Variants in GALNT7 observed in about 807,000 individuals in gnomAD.
The protein encoded by GALNT7 is polypeptide N-acetylgalactosaminyltransferase 7, also known as N-acetylgalactosaminyltransferase 7.
Under a neutral mutation model 82.1 loss-of-function variants are expected in GALNT7, and 60 were observed. That is an observed-to-expected ratio of 0.73 (90% CI 0.59 to 0.91). The LOEUF (loss-of-function observed/expected upper bound fraction) is 0.91, where lower values mean the gene tolerates loss of function less well. Among genes scored for constraint, GALNT7 ranks in the 40% least tolerant of loss-of-function variants. GALNT7 has a pLI of 0.00. For missense variants in GALNT7, 660 were observed against 804.2 expected (o/e 0.82, Z 2.17); for synonymous variants, 243 against 275.1 (o/e 0.88, Z 1.15).
chr4:173,260,352 G>T (rs1328574727), intron 2 of GALNT7, among the ~76,000 whole-genome samples: 1 of 152,166 alleles, frequency 6.6e-6, no homozygotes, highest in African/African-American at 2.4e-5. Flanking sequence ...ATTCTGTCAG[G>T]CTGTTTTAAG....
intron 9 of GALNT7, chr4:173,316,048 T>G (rs1188041360): frequency 6.6e-6 from 1 of 152,220 alleles, no homozygotes; most frequent in Non-Finnish European, 1.5e-5. Flanking sequence ...AGAGTGACTG[T>G]TTTAAAATAA....
intron 1 of GALNT7, among the ~76,000 whole-genome samples, chr4:173,212,988 A>T (rs1203190218): frequency 6.6e-6 from 1 of 152,164 alleles, no homozygotes; most frequent in Non-Finnish European, 1.5e-5. Context: ...TTCATGAAAA[A>T]AAAATCCCCT....
At chr4:173,318,989 C>CAAATA (rs1421551166) in intron 11 of GALNT7, among the ~76,000 whole-genome samples, 1 of 151,962 alleles carries the variant, frequency 6.6e-6, no homozygotes. Context: ...GAGATAGAGA[C>CAAATA]AAACAAATAA....
In GALNT7 at chr4:173,318,472, C is replaced by A; in HGVS notation, c.1749C>A (p.Asp583Glu). ...INEANQLMQYDQCLTKGADGS... is the reference protein window; with the variant it reads ...INEANQLMQYEQCLTKGADGS... ...AAGCAAATCAACTCATGCAGTATGACCAGTGTTTGACAAAGGGAGCTGATG... is the reference window on the plus strand; with the variant it reads ...AAGCAAATCAACTCATGCAGTATGAACAGTGTTTGACAAAGGGAGCTGATG... The change falls in exon 11 of 12, where the codon GAC (aspartate) becomes GAA (glutamate). Residue 583 changes from aspartate (D) to glutamate (E), a missense_variant. Physicochemically the swap from Asp to Glu is conservative, Grantham distance 45. Coordinates refer to ENST00000265000, the MANE Select transcript of GALNT7 (RefSeq NM_017423.3). 6.2e-7 allele frequency: 1 copy of A among 1,601,140 alleles called. No individual in the cohort carries two copies. Among genetic ancestry groups the A allele is most frequent in the South Asian group, 1.1e-5 (1 of 90,300 alleles).
intron 1 of GALNT7, among the ~76,000 whole-genome samples, chr4:173,175,379 T>TA (rs1233071602): frequency 6.6e-6 from 1 of 152,236 alleles, no homozygotes; most frequent in African/African-American, 2.4e-5. Context: ...GAGACTGTTG[T>TA]GGTATAGAGA....
intron 8 of GALNT7, among the ~76,000 whole-genome samples, chr4:173,308,879 G>A (rs989783219): frequency 2.6e-5 from 4 of 152,166 alleles, no homozygotes; most frequent in African/African-American, 7.2e-5. Context: ...CTCCAGCCTG[G>A]GCAACAGAGG....
chr4:173,205,198 TG>T (rs1733047669), intron 1 of GALNT7, among the ~76,000 whole-genome samples: 1 of 152,062 alleles, frequency 6.6e-6, no homozygotes, highest in African/African-American at 2.4e-5. Context: ...ATCTGAAGCC[TG>T]GGGGGCTGAC....
intron 1 of GALNT7, among the ~76,000 whole-genome samples, chr4:173,191,515 T>G (rs1732628509): frequency 6.6e-6 from 1 of 152,206 alleles, no homozygotes; most frequent in Non-Finnish European, 1.5e-5. Context: ...GGTTTGGAAC[T>G]GAAAGATAAT....
At chr4:173,186,771 G>A (rs1732473552) in intron 1 of GALNT7, among the ~76,000 whole-genome samples, 1 of 151,102 alleles carries the variant, frequency 6.6e-6, no homozygotes, top group Admixed American at 6.6e-5. Flanking sequence ...AAATATTATT[G>A]TTTACTTACT....
chr4:173,256,181 GACTC>G (rs1270801005), intron 2 of GALNT7, among the ~76,000 whole-genome samples: 2 of 152,146 alleles, frequency 1.3e-5, no homozygotes, highest in African/African-American at 4.8e-5. Context: ...CCGGCTTTAA[GACTC>G]ACTCACTGTA....
chr4:173,261,329 C>T (rs751647458), intron 2 of GALNT7, among the ~76,000 whole-genome samples: 1 of 152,170 alleles, frequency 6.6e-6, no homozygotes, highest in African/African-American at 2.4e-5. Context: ...CCAGAGAAAA[C>T]CCATGCAGAC....
intron 1 of GALNT7, among the ~76,000 whole-genome samples, chr4:173,216,727 A>ATATATATATATATATATTTTT (rs71244915): frequency 3.1e-4 from 4 of 12,976 alleles, no homozygotes; most frequent in African/African-American, 1.1e-3. Flanking sequence ...ATATATATAT[A>ATATATATATATATATATTTTT]TTTTTTTTTT....
chr4:173,175,416 AC>A (rs1368660378), intron 1 of GALNT7, among the ~76,000 whole-genome samples: 1 of 152,194 alleles, frequency 6.6e-6, no homozygotes, highest in African/African-American at 2.4e-5. Flanking sequence ...AAGTTTATTC[AC>A]TTAATTAATT....
chr4:173,203,333 C>T (rs1196951765), intron 1 of GALNT7, among the ~76,000 whole-genome samples: 1 of 152,236 alleles, frequency 6.6e-6, no homozygotes. Flanking sequence ...CTTTGTGATC[C>T]TCCCGCCTCG....
At position 173,323,655 on chromosome 4, in the gene GALNT7, G is replaced by C. The variant is rs1392811786; in HGVS notation, c.*1938G>C. 7.2e-5 allele frequency: 11 copies of C among 152,554 alleles called. No homozygotes were observed. Among genetic ancestry groups the C allele is most frequent in the Non-Finnish European group, 1.0e-4 (7 of 67,988 alleles). The allele number at this position is 152,554 out of a possible 1,614,324, so 9.5% of individuals were successfully genotyped here. ...TTAAAAGAAGATACTCTATGAATAT[G>C]ATTCTATATATTGAAATCAGAAAAC... On this transcript the variant is annotated 3_prime_UTR_variant, in exon 12 of 12. Coordinates refer to ENST00000265000, the MANE Select transcript of GALNT7 (RefSeq NM_017423.3).
intron 1 of GALNT7, among the ~76,000 whole-genome samples, chr4:173,223,226 G>A (rs1008055475): frequency 6.6e-6 from 1 of 152,032 alleles, no homozygotes; most frequent in African/African-American, 2.4e-5. Flanking sequence ...TTCTGCATAG[G>A]ACTCCATTCA....
chr4:173,264,625 T>G lies in GALNT7; in HGVS notation c.587+16185T>G, dbSNP rs902133346. Among the ~76,000 whole-genome samples the G allele has an allele frequency of 2.0e-5, 3 of 152,356 alleles. No individual in the cohort carries two copies. The South Asian group carries it at 6.2e-4, about 32-fold the overall frequency. On this transcript the variant is annotated intron_variant, in intron 2 of 11. Transcript: ENST00000265000. ...ACTCTATGCTTTTGTTCTTGGCACCTTCTTTAAATCCGTGGGCTCCTCCAA... is the reference window on the plus strand; with the variant it reads ...ACTCTATGCTTTTGTTCTTGGCACCGTCTTTAAATCCGTGGGCTCCTCCAA...
At chr4:173,303,903 T>C (rs1280937847) in intron 7 of GALNT7, 93 bp from the exon 8 acceptor site, 1 of 1,061,854 alleles carries the variant, frequency 9.4e-7, no homozygotes, top group African/African-American at 1.6e-5. Flanking sequence ...TGTATATAAT[T>C]TAGATTTTAG....
intron 1 of GALNT7, among the ~76,000 whole-genome samples, chr4:173,240,684 G>T (rs754561071): frequency 2.6e-5 from 4 of 152,116 alleles, no homozygotes; most frequent in Non-Finnish European, 4.4e-5. Flanking sequence ...TAAGACTGGG[G>T]ATACCATCAG....
Sources: gnomAD v4.1 joint callset for allele counts (sites outside exome capture counted in the v4.1 genomes callset) on GRCh38, gnomAD v4.1.1 for gene constraint, MANE v1.5 for transcripts, NCBI Gene and HGNC (gene_info 2026-07-23, HGNC 2026-07-21) for gene names.